ATP6V0A4: variants seen among roughly 807,000 people sequenced by gnomAD.
ATP6V0A4 encodes ATPase H+ transporting V0 subunit a4.
In ATP6V0A4, 86 loss-of-function variants were observed where a neutral mutation model predicts 107.3. The observed-to-expected ratio is 0.80, with a 90% CI of 0.67 to 0.96. The LOEUF (loss-of-function observed/expected upper bound fraction) is 0.96. Ranked by LOEUF, ATP6V0A4 falls within the 40% of genes least tolerant of loss-of-function variation. The pLI, the probability that ATP6V0A4 is intolerant of heterozygous loss-of-function variation, is 0.00. For synonymous variants in ATP6V0A4, 353 were observed against 381.4 expected (o/e 0.93, Z 0.87); for missense variants, 908 against 1,045.6 (o/e 0.87, Z 1.81).
intron 20 of ATP6V0A4, among the ~76,000 whole-genome samples, chr7:138,712,581 T>A (rs1313964170): frequency 6.6e-6 from 1 of 152,138 alleles, no homozygotes; most frequent in Non-Finnish European, 1.5e-5. Flanking sequence ...GAACCAGAAT[T>A]TAAGTCAGTG....
intron 20 of ATP6V0A4, 134 bp from the exon 21 acceptor site, chr7:138,709,929 G>T (rs1238761595): frequency 5.6e-6 from 6 of 1,063,468 alleles, no homozygotes; most frequent in East Asian, 4.0e-5. Context: ...GCCTAGGATG[G>T]TCTCCAACTC....
intron 10 of ATP6V0A4, among the ~76,000 whole-genome samples, chr7:138,754,448 C>CAAAA (rs978640948): frequency 1.4e-5 from 1 of 73,526 alleles, no homozygotes; most frequent in Non-Finnish European, 2.8e-5. Flanking sequence ...AACTCCATCT[C>CAAAA]AAAAAAAAAA....
chr7:138,777,614 T>C (rs1330014002), intron 2 of ATP6V0A4, among the ~76,000 whole-genome samples: 1 of 20,362 alleles, frequency 4.9e-5, no homozygotes, highest in African/African-American at 2.9e-4. Flanking sequence ...AAACTCCGTC[T>C]CAAAAAAAAA....
At chr7:138,786,106 T>A (rs3778690) in intron 2 of ATP6V0A4, 52 bp downstream of exon 2, 56,640 of 152,424 alleles carry the variant, frequency 0.37, 11,989 homozygotes, top group South Asian at 0.51. Flanking sequence ...TAGGAGAAGA[T>A]CCTCCTCCAC....
At chr7:138,722,957 C>T (rs1303814198) in intron 18 of ATP6V0A4, among the ~76,000 whole-genome samples, 2 of 148,386 alleles carry the variant, frequency 1.3e-5, no homozygotes, top group Non-Finnish European at 3.0e-5. Flanking sequence ...ACTCGGGAGG[C>T]TGAGGAAGGA....
chr7:138,793,902 C>T (rs1400751198), intron 1 of ATP6V0A4, among the ~76,000 whole-genome samples: 1 of 152,096 alleles, frequency 6.6e-6, no homozygotes, highest in East Asian at 1.9e-4. Flanking sequence ...AATTAGTCAT[C>T]CTGGGAAGTG....
chr7:138,737,601 G>A (rs1426083459), intron 15 of ATP6V0A4, among the ~76,000 whole-genome samples: 1 of 73,822 alleles, frequency 1.4e-5, no homozygotes, highest in Non-Finnish European at 3.0e-5. Context: ...TTTTTTTTTT[G>A]AGAAGAGTCT....
At chr7:138,741,647 C>T (rs1299753872) in intron 14 of ATP6V0A4, among the ~76,000 whole-genome samples, 1 of 152,232 alleles carries the variant, frequency 6.6e-6, no homozygotes, top group East Asian at 1.9e-4. Flanking sequence ...AATGACCCAA[C>T]ATCCCCGCCT....
chr7:138,711,742 A>G (rs1212099969), intron 20 of ATP6V0A4, among the ~76,000 whole-genome samples: 1 of 152,246 alleles, frequency 6.6e-6, no homozygotes, highest in Non-Finnish European at 1.5e-5. Flanking sequence ...TGTGATCTTC[A>G]CAGCTCAGGC....
chr7:138,792,695 C>T (rs1331356496), intron 1 of ATP6V0A4, among the ~76,000 whole-genome samples: 1 of 151,736 alleles, frequency 6.6e-6, no homozygotes, highest in African/African-American at 2.4e-5. Flanking sequence ...ATCTCCTGGG[C>T]TCAAGCAATC....
intron 7 of ATP6V0A4, 29 bp downstream of exon 7, chr7:138,762,311 A>G (rs374260757): frequency 1.9e-6 from 3 of 1,611,164 alleles, no homozygotes; most frequent in East Asian, 2.2e-5. Flanking sequence ...AGGACCAGGG[A>G]CCCATCTACA....
At chr7:138,762,256 G>T in intron 7 of ATP6V0A4, 84 bp downstream of exon 7, 1 of 1,507,660 alleles carries the variant, frequency 6.6e-7, no homozygotes, top group Non-Finnish European at 9.2e-7. Flanking sequence ...CATTCCAATG[G>T]CTATTTGTTC....
intron 10 of ATP6V0A4, 195 bp from the exon 11 acceptor site, chr7:138,753,032 G>A: frequency 2.1e-6 from 1 of 475,384 alleles, no homozygotes; most frequent in Non-Finnish European, 2.7e-6. Flanking sequence ...CTTAGGCAGA[G>A]ATTGTATCTT....
intron 18 of ATP6V0A4, among the ~76,000 whole-genome samples, chr7:138,727,112 CAAAAAAA>C (rs138365622): frequency 1.5e-3 from 154 of 103,072 alleles, no homozygotes; most frequent in African/African-American, 5.1e-3. Flanking sequence ...GAGCTCATCT[CAAAAAAA>C]AAAAAAAAAA....
intron 11 of ATP6V0A4, among the ~76,000 whole-genome samples, chr7:138,750,810 G>T (rs948973471): frequency 1.3e-5 from 2 of 152,192 alleles, no homozygotes; most frequent in Admixed American, 1.3e-4. Context: ...ACCATGATGT[G>T]GGGGCATCGA....
chr7:138,706,668 G>C lies in ATP6V0A4; in HGVS notation c.2479C>G (p.Pro827Ala), dbSNP rs1803381988. Residue 827 changes from proline to alanine, a missense_variant, in exon 22 of 22, where the codon CCA (proline) becomes GCA (alanine). By Grantham distance (27) the Pro-to-Ala change is conservative. Coordinates refer to ENST00000310018, the MANE Select transcript of ATP6V0A4 (RefSeq NM_020632.3). ...TCCAGGATGTGTTTAAAGGAGAATG[G>C]AGAAAACTTGTAACCATCCCCGACA... ...FYVGDGYKFS[P>A]FSFKHILDGT... 3 of 1,613,926 alleles carry C rather than the reference G, an allele frequency of 1.9e-6. No individual in the cohort carries two copies. Among genetic ancestry groups the C allele is most frequent in the Non-Finnish European group, 2.5e-6 (3 of 1,179,952 alleles).
chr7:138,735,590 G>A (rs1156375197), intron 15 of ATP6V0A4, among the ~76,000 whole-genome samples: 7 of 152,148 alleles, frequency 4.6e-5, no homozygotes, highest in Non-Finnish European at 7.3e-5. Flanking sequence ...CTGAGGAGCC[G>A]GCTGCTGGGA....
intron 1 of ATP6V0A4, among the ~76,000 whole-genome samples, chr7:138,792,254 C>G (rs10252266): frequency 1.3e-5 from 2 of 152,020 alleles, no homozygotes; most frequent in East Asian, 3.9e-4. Context: ...TGCAGTGAGC[C>G]GAGATAGCGC....
chr7:138,747,913 C>G (rs928163770), intron 12 of ATP6V0A4, among the ~76,000 whole-genome samples: 28 of 152,136 alleles, frequency 1.8e-4, no homozygotes, highest in Admixed American at 1.2e-3. Context: ...TGCCACCATG[C>G]CTAACTACTT....
Sources: allele counts gnomAD v4.1 joint callset (sites outside exome capture counted in the v4.1 genomes callset), GRCh38; gene constraint gnomAD v4.1.1; transcripts MANE v1.5; gene names NCBI Gene and HGNC (gene_info 2026-07-23, HGNC 2026-07-21).